Variants in AFF4 observed in about 807,000 individuals in gnomAD.
The protein encoded by AFF4 is AF4/FMR2 family member 4.
Under a neutral mutation model 124.8 loss-of-function variants are expected in AFF4, and 13 were observed. That is an observed-to-expected ratio of 0.10 (90% CI 0.07 to 0.17). The LOEUF (loss-of-function observed/expected upper bound fraction) is 0.17. AFF4 is among the 10% of genes least tolerant of loss of function. The pLI is 1.00. For synonymous variants in AFF4, 477 were observed against 496.1 expected (o/e 0.96, Z 0.51); for missense variants, 1,092 against 1,403.8 (o/e 0.78, Z 3.55).
chr5:132,904,663 G>C (rs1394585167), intron 5 of AFF4, among the ~76,000 whole-genome samples: 15 of 152,052 alleles, frequency 9.9e-5, no homozygotes, highest in Admixed American at 9.8e-4. Flanking sequence ...TCCTTATTTA[G>C]AGCCCTTTAT....
At position 132,934,743 on chromosome 5, in the gene AFF4, A is replaced by G; in HGVS notation, c.322T>C (p.Trp108Arg). Residue 108 changes from tryptophan (W) to arginine (R), a missense_variant, in exon 3 of 21, where the codon TGG (tryptophan) becomes CGG (arginine). Trp to Arg is a moderately radical substitution (Grantham distance 101). Coordinates refer to ENST00000265343, the MANE Select transcript of AFF4 (RefSeq NM_014423.4). Reference sequence around the variant, plus strand: ...CTGGGTGCGGGTCCTACTGGAGTCCATTTGCTACTCTGATGAGAGCCTCCA... The same window carrying G: ...CTGGGTGCGGGTCCTACTGGAGTCCGTTTGCTACTCTGATGAGAGCCTCCA... Reference protein sequence around the residue: ...RHGGSHQSSKWTPVGPAPSTS... With the variant: ...RHGGSHQSSKRTPVGPAPSTS... The G allele has an allele frequency of 1.2e-6, 2 of 1,614,112 alleles. No individual in the cohort carries two copies. The highest frequency in any genetic ancestry group is 1.7e-6 in the Non-Finnish European group (2 of 1,180,028).
chr5:132,933,553 G>T (rs1326469016), intron 3 of AFF4, among the ~76,000 whole-genome samples: 1 of 151,916 alleles, frequency 6.6e-6, no homozygotes, highest in African/African-American at 2.4e-5. Flanking sequence ...GAAAAAAAAA[G>T]ATATAATTTC....
intron 12 of AFF4, among the ~76,000 whole-genome samples, 159 bp from the exon 13 acceptor site, chr5:132,892,563 A>G (rs1760290587): frequency 6.6e-6 from 1 of 152,212 alleles, no homozygotes. Flanking sequence ...TGTAAATTCC[A>G]TGAAGGTAGG....
intron 1 of AFF4, among the ~76,000 whole-genome samples, chr5:132,962,245 C>T (rs1581346305): frequency 6.6e-6 from 1 of 152,106 alleles, no homozygotes; most frequent in Non-Finnish European, 1.5e-5. Context: ...TATCTGAGCC[C>T]GAAAAACAGC....
chr5:132,895,902 CAGATT>C (rs1483816618), intron 11 of AFF4, among the ~76,000 whole-genome samples: 2 of 138,356 alleles, frequency 1.4e-5, no homozygotes, highest in Non-Finnish European at 3.3e-5. Context: ...AGGTGCATAG[CAGATT>C]AGTTATTTAA....
At chr5:132,901,080 GA>G (rs1258362407) in intron 7 of AFF4, 1 of 985,272 alleles carries the variant, frequency 1.0e-6, no homozygotes, top group Non-Finnish European at 1.2e-6. Context: ...AGGGAAAAAA[GA>G]GTTTTCTTTC....
chr5:132,935,111 G>A (rs1761395007), intron 2 of AFF4, among the ~76,000 whole-genome samples, 170 bp from the exon 3 acceptor site: 2 of 151,946 alleles, frequency 1.3e-5, no homozygotes, highest in East Asian at 3.9e-4. Flanking sequence ...TATCATTTCT[G>A]TAGTGAAAAA....
At chr5:132,898,956 A>G (rs771440584) in intron 9 of AFF4, 148 bp downstream of exon 9, 8 of 699,822 alleles carry the variant, frequency 1.1e-5, no homozygotes, top group Non-Finnish European at 1.9e-5. Context: ...CACCCACTTT[A>G]AGTGTATAAT....
intron 1 of AFF4, among the ~76,000 whole-genome samples, chr5:132,942,595 G>C (rs1761598770): frequency 6.6e-6 from 1 of 151,912 alleles, no homozygotes; most frequent in Admixed American, 6.6e-5. Context: ...CTCCCGAGTA[G>C]CTGGGATTAC....
In AFF4 at chr5:132,918,943, G is replaced by A. The variant is rs149142067; in HGVS notation, c.1050+8178C>T. 2.8e-3 allele frequency among the ~76,000 whole-genome samples: 421 copies of A among 149,710 alleles called. 1 individual carries two copies. Among genetic ancestry groups the A allele is most frequent in the African/African-American group, 9.1e-3 (370 of 40,544 alleles). ...CTCTGTCACGCAGGCTGGAGCACAC[G>A]CAATGGCATCATCTTAGCTGACTGC... On this transcript the variant is annotated intron_variant, in intron 5 of 20. Coordinates refer to ENST00000265343, the MANE Select transcript of AFF4 (RefSeq NM_014423.4).
In AFF4 at chr5:132,891,256, T is replaced by C. The variant is rs189533050; in HGVS notation, c.2637+908A>G. Among the ~76,000 whole-genome samples, 195 of 152,230 alleles carry C rather than the reference T, an allele frequency of 1.3e-3. 3 individuals carry two copies. The highest frequency in any genetic ancestry group is 4.5e-3 in the African/African-American group (186 of 41,558). On this transcript the variant is annotated intron_variant, in intron 13 of 20. Transcript: ENST00000265343. The stretch of plus-strand genomic sequence containing the variant: ...GCTAGAGAAAAAGCTTTCTGTGTAT[T>C]TTAATTTGAGAAGTTCTTAATTAAA...
Position 132,896,385 on chromosome 5 carries a change from T to C in AFF4, c.2245A>G (p.Thr749Ala), listed in dbSNP as rs1419777471. 6.2e-7 allele frequency: 1 copy of C among 1,613,472 alleles called. No individual in the cohort carries two copies. The highest frequency in any genetic ancestry group is 1.3e-5 in the African/African-American group (1 of 74,816). ...GAGGCTTGTTTCTGAGCCTCTCTCG[T>C]GTGCTTTTCTGGCACATTTTTCTTT... ...GEKKNVPEKH[T>A]REAQKQASEK... The change falls in exon 11 of 21, where the codon ACG (threonine) becomes GCG (alanine). Residue 749 changes from threonine to alanine, a missense_variant. This residue lies in a region of AFF4 where 293 missense variants were observed against 280.2 expected (regional missense o/e 1.05). Coordinates refer to ENST00000265343, the MANE Select transcript of AFF4 (RefSeq NM_014423.4).
At chr5:132,907,119 T>C (rs1408758804) in intron 5 of AFF4, among the ~76,000 whole-genome samples, 1 of 152,166 alleles carries the variant, frequency 6.6e-6, no homozygotes, top group Non-Finnish European at 1.5e-5. Flanking sequence ...TTCTGTCTCT[T>C]AAACATCCAC....
intron 20 of AFF4, among the ~76,000 whole-genome samples, chr5:132,881,826 AG>A (rs776914687): frequency 1.5e-3 from 225 of 148,414 alleles, no homozygotes; most frequent in Non-Finnish European, 2.8e-3. Context: ...AATACAAAAA[AG>A]TTTTTTTTTT....
intron 2 of AFF4, among the ~76,000 whole-genome samples, chr5:132,935,794 A>G (rs1308329271): frequency 6.6e-6 from 1 of 150,682 alleles, no homozygotes; most frequent in Non-Finnish European, 1.5e-5. Flanking sequence ...AAGGTGGTGC[A>G]CGCCTGTAAT....
At chr5:132,928,821 G>C (rs1448592151) in intron 4 of AFF4, among the ~76,000 whole-genome samples, 3 of 152,142 alleles carry the variant, frequency 2.0e-5, no homozygotes, top group African/African-American at 7.2e-5. Context: ...AAGGGCACTT[G>C]ATATATTACT....
At chr5:132,914,258 A>T (rs1037012958) in intron 5 of AFF4, among the ~76,000 whole-genome samples, 7 of 151,514 alleles carry the variant, frequency 4.6e-5, no homozygotes, top group African/African-American at 1.7e-4. Context: ...ATAAGAAAAT[A>T]AGAAAAATCT....
intron 11 of AFF4, among the ~76,000 whole-genome samples, chr5:132,893,556 C>T (rs1393033423): frequency 6.6e-6 from 1 of 152,084 alleles, no homozygotes; most frequent in African/African-American, 2.4e-5. Flanking sequence ...CTTGTTCTGT[C>T]GCCCAGGCTG....
intron 1 of AFF4, among the ~76,000 whole-genome samples, chr5:132,944,322 G>A (rs957228318): frequency 6.7e-6 from 1 of 148,964 alleles, no homozygotes; most frequent in Non-Finnish European, 1.5e-5. Flanking sequence ...GGGCGACAGC[G>A]CGAGACTCTG....
Sources: gnomAD v4.1 joint callset for allele counts (sites outside exome capture counted in the v4.1 genomes callset) on GRCh38, gnomAD v4.1.1 for gene constraint, gnomAD v4.1.1 regional missense constraint, MANE v1.5 for transcripts, NCBI Gene and HGNC (gene_info 2026-07-23, HGNC 2026-07-21) for gene names.